MTARC1: variants seen among roughly 807,000 people sequenced by gnomAD.
MTARC1 encodes mitochondrial amidoxime-reducing component 1.
A neutral mutation model predicts 33.6 loss-of-function variants in MTARC1; 24 were observed. That is an observed-to-expected ratio of 0.72 (90% CI 0.52 to 1.01). The LOEUF (loss-of-function observed/expected upper bound fraction) is 1.01, where lower values mean the gene tolerates loss of function less well. Ranked by LOEUF, MTARC1 falls within the 50% of genes least tolerant of loss-of-function variation. The probability of loss-of-function intolerance (pLI) is 0.00; values close to 1 mark genes in which losing one functional copy is unlikely to be tolerated. For synonymous variants in MTARC1, 187 were observed against 189.5 expected (o/e 0.99, Z 0.11); for missense variants, 417 against 445.7 (o/e 0.94, Z 0.58).
chr1:220,805,377 C>T (rs1672941114), intron 6 of MTARC1, 103 bp downstream of exon 6: 2 of 1,256,498 alleles, frequency 1.6e-6, no homozygotes, highest in Non-Finnish European at 2.3e-6. Context: ...AAACACCACA[C>T]ACATAGTCTT....
intron 4 of MTARC1, chr1:220,799,320 G>A: frequency 3.0e-6 from 1 of 336,962 alleles, no homozygotes; most frequent in Non-Finnish European, 4.2e-6. Context: ...CCTGGGTTGG[G>A]CATCTCTCAG....
rs751790570 is a variant in MTARC1 at position 220,796,794 on chromosome 1, C to A, written c.601C>A (p.Pro201Thr). Residue 201 changes from proline to threonine, a missense_variant, in exon 3 of 7, where the codon CCC becomes ACC. Coordinates refer to ENST00000366910, the MANE Select transcript of MTARC1 (RefSeq NM_022746.4). ...RPHQIADLFR[P>T]KDQIAYSDTS... ...TCATCAAATAGCAGACTTGTTCCGA[C>A]CCAAGGACCAGGTGAGAGGTTCTGC... The A allele has an allele frequency of 2.2e-5, 35 of 1,608,326 alleles. No homozygotes were observed. The highest frequency in any genetic ancestry group is 1.8e-4 in the South Asian group (16 of 90,024).
chr1:220,801,333 C>G (rs1672798177), intron 4 of MTARC1, among the ~76,000 whole-genome samples: 1 of 148,960 alleles, frequency 6.7e-6, no homozygotes, highest in Non-Finnish European at 1.5e-5. Context: ...CTTCACTGAC[C>G]CCGCTCACCC....
chr1:220,792,009 G>C (rs1176749583), intron 2 of MTARC1, among the ~76,000 whole-genome samples: 1 of 152,132 alleles, frequency 6.6e-6, no homozygotes, highest in Non-Finnish European at 1.5e-5. Context: ...TCCTAGCAGA[G>C]GTGAAACTCG....
At chr1:220,800,069 T>C (rs770047049) in intron 4 of MTARC1, among the ~76,000 whole-genome samples, 2 of 152,204 alleles carry the variant, frequency 1.3e-5, no homozygotes, top group African/African-American at 4.8e-5. Context: ...AGGGTCATGC[T>C]GAAGCCATTT....
chr1:220,802,555 C>A (rs748104182), intron 4 of MTARC1, among the ~76,000 whole-genome samples: 24 of 152,230 alleles, frequency 1.6e-4, no homozygotes, highest in Non-Finnish European at 3.4e-4. Flanking sequence ...TGGTCTCGAA[C>A]TCCTAACCTC....
At chr1:220,792,362 T>C (rs1422171332) in intron 2 of MTARC1, among the ~76,000 whole-genome samples, 1 of 152,202 alleles carries the variant, frequency 6.6e-6, no homozygotes, top group Non-Finnish European at 1.5e-5. Context: ...CTTATCTGAT[T>C]ATGGGAAAAT....
chr1:220,790,698 A>G (rs756905975), intron 1 of MTARC1, among the ~76,000 whole-genome samples: 7 of 152,216 alleles, frequency 4.6e-5, no homozygotes, highest in Non-Finnish European at 2.9e-5. Flanking sequence ...GCACATGCTC[A>G]CTTCTATAAT....
Position 220,798,652 on chromosome 1 carries a change from G to GTCC in MTARC1, c.753+638_753+639insTCC, listed in dbSNP as rs1442251005. The stretch of plus-strand genomic sequence containing the variant: ...GATTCTCTCCCTGGGCTTCCATGAA[G>GTCC]GCAGAGGTTGGTGGCCTAGAGGCAT... On this transcript the variant is annotated intron_variant, in intron 4 of 6. Transcript: ENST00000366910. 4.4e-6 allele frequency: 4 copies of GTCC among 914,600 alleles called. No individual in the cohort carries two copies. The African/African-American group carries it at 7.2e-5, about 16-fold the overall frequency. The allele number at this position is 914,600 out of a possible 1,614,324, so 56.7% of individuals were successfully genotyped here. A position where few individuals can be genotyped will look rare whatever the true frequency, so the allele number is the denominator to read the frequency against.
chr1:220,801,351 C>A lies in MTARC1; in HGVS notation c.753+3337C>A, dbSNP rs180707669. Among the ~76,000 whole-genome samples, 428 of 152,284 alleles carry A rather than the reference C, an allele frequency of 2.8e-3. 4 individuals are homozygous for A. Among genetic ancestry groups the A allele is most frequent in the African/African-American group, 9.3e-3 (385 of 41,566 alleles). ...CACTGACCCCGCTCACCCAGCCCCC[C>A]CCACAGCACACACCCCACCTAACAA... On this transcript the variant is annotated intron_variant, in intron 4 of 6. Coordinates refer to ENST00000366910, the MANE Select transcript of MTARC1 (RefSeq NM_022746.4).
At position 220,796,627 on chromosome 1, in the gene MTARC1, C is replaced by T. The variant is rs201511568; in HGVS notation, c.450-16C>T. On this transcript the variant is annotated splice_polypyrimidine_tract_variant and intron_variant, in intron 2 of 6. Coordinates refer to ENST00000366910, the MANE Select transcript of MTARC1 (RefSeq NM_022746.4). The stretch of plus-strand genomic sequence containing the variant: ...TTCAAAGCCATGTCTGCCCTTTGCT[C>T]CTGCTACCCCTGCAGAGTGCACGGC... The T allele has an allele frequency of 1.8e-4, 285 of 1,554,098 alleles. No individual in the cohort carries two copies. The highest frequency in any genetic ancestry group is 2.5e-4 in the African/African-American group (18 of 71,030).
intron 1 of MTARC1, among the ~76,000 whole-genome samples, chr1:220,788,779 CA>C (rs1441810435): frequency 2.2e-5 from 3 of 135,656 alleles, no homozygotes; most frequent in African/African-American, 8.0e-5. Flanking sequence ...GTCTGAGCGA[CA>C]GAGTGAGACT....
At chr1:220,800,587 CTT>C (rs112800294) in intron 4 of MTARC1, among the ~76,000 whole-genome samples, 4,740 of 148,106 alleles carry the variant, frequency 0.032, 202 homozygotes, top group East Asian at 0.16. Flanking sequence ...TCTTTCTTTC[CTT>C]TTTTTTTTTT....
chr1:220,808,124 C>T (rs1226611011), intron 6 of MTARC1, among the ~76,000 whole-genome samples: 1 of 152,190 alleles, frequency 6.6e-6, no homozygotes, highest in Non-Finnish European at 1.5e-5. Flanking sequence ...GGGCATCCTT[C>T]CCTCTGGATT....
At chr1:220,799,693 G>A (rs1051837214) in intron 4 of MTARC1, among the ~76,000 whole-genome samples, 6 of 152,270 alleles carry the variant, frequency 3.9e-5, no homozygotes, top group African/African-American at 1.4e-4. Context: ...GAGGGGCTGG[G>A]TTTTGAACCC....
In MTARC1 at chr1:220,796,838, G is replaced by A. The variant is rs746398886; in HGVS notation, c.612+33G>A. The A allele has an allele frequency of 3.8e-6, 6 of 1,565,968 alleles. No homozygotes were observed. The African/African-American group carries it at 6.9e-5, about 18-fold the overall frequency. The stretch of plus-strand genomic sequence containing the variant: ...GTTCTGCTGCCTCCATGGGTAGAAA[G>A]CAGTCACCCCCAGATCAGGGGGCTC... On this transcript the variant is annotated intron_variant, in intron 3 of 6. Coordinates refer to ENST00000366910, the MANE Select transcript of MTARC1 (RefSeq NM_022746.4).
chr1:220,789,712 A>G (rs979993757), intron 1 of MTARC1, among the ~76,000 whole-genome samples: 1 of 152,176 alleles, frequency 6.6e-6, no homozygotes, highest in African/African-American at 2.4e-5. Context: ...ATATACACAC[A>G]ATGGAATATT....
At chr1:220,791,858 C>T (rs569367960) in intron 2 of MTARC1, among the ~76,000 whole-genome samples, 194 bp downstream of exon 2, 1 of 152,064 alleles carries the variant, frequency 6.6e-6, no homozygotes, top group South Asian at 2.1e-4. Context: ...GCTTCAGAAA[C>T]TTGTGTTGTG....
At chr1:220,793,029 G>T (rs1030185182) in intron 2 of MTARC1, among the ~76,000 whole-genome samples, 1 of 152,060 alleles carries the variant, frequency 6.6e-6, no homozygotes, top group Non-Finnish European at 1.5e-5. Flanking sequence ...TTCTAGCAGT[G>T]GTTTTGCTTG....
Sources: gnomAD v4.1 joint callset for allele counts (sites outside exome capture counted in the v4.1 genomes callset) on GRCh38, gnomAD v4.1.1 for gene constraint, MANE v1.5 for transcripts, NCBI Gene and HGNC (gene_info 2026-07-23, HGNC 2026-07-21) for gene names.